GRM5: variants seen among roughly 807,000 people sequenced by gnomAD.
GRM5 encodes metabotropic glutamate receptor 5.
Under a neutral mutation model 83.1 loss-of-function variants are expected in GRM5, and 19 were observed. The observed-to-expected ratio is 0.23, with a 90% CI of 0.16 to 0.34. The LOEUF (loss-of-function observed/expected upper bound fraction) is 0.34, where lower values mean the gene tolerates loss of function less well. GRM5 is among the 10% of genes least tolerant of loss of function. GRM5 has a pLI of 1.00. For synonymous variants in GRM5, 675 were observed against 633.6 expected (o/e 1.07, Z -0.98); for missense variants, 1,160 against 1,588.3 (o/e 0.73, Z 4.58).
At chr11:88,761,375 T>A (rs1040939466) in intron 3 of GRM5, among the ~76,000 whole-genome samples, 5 of 151,816 alleles carry the variant, frequency 3.3e-5, no homozygotes, top group African/African-American at 1.2e-4. Flanking sequence ...AAACCAACAT[T>A]AAAATGTTCA....
intron 2 of GRM5, among the ~76,000 whole-genome samples, chr11:88,904,046 G>A (rs1945363002): frequency 6.6e-6 from 1 of 152,104 alleles, no homozygotes; most frequent in African/African-American, 2.4e-5. Context: ...AATGATTAAA[G>A]GGTCTCGAGA....
intron 4 of GRM5, among the ~76,000 whole-genome samples, chr11:88,612,507 G>T (rs1445177915): frequency 1.3e-5 from 2 of 152,080 alleles, no homozygotes; most frequent in South Asian, 2.1e-4. Context: ...TGGGTCAAAT[G>T]GTATTTCTAG....
chr11:88,878,433 G>T (rs1475537143), intron 2 of GRM5, among the ~76,000 whole-genome samples: 1 of 152,120 alleles, frequency 6.6e-6, no homozygotes, highest in Non-Finnish European at 1.5e-5. Context: ...CAGGGTAATT[G>T]TCCATGCACA....
At chr11:88,728,723 T>A (rs1158588328) in intron 3 of GRM5, among the ~76,000 whole-genome samples, 1 of 152,038 alleles carries the variant, frequency 6.6e-6, no homozygotes, top group Admixed American at 6.6e-5. Flanking sequence ...GTTCAACATA[T>A]GCAAATCAAT....
intron 3 of GRM5, among the ~76,000 whole-genome samples, chr11:88,757,459 C>T (rs892699250): frequency 5.9e-5 from 9 of 152,252 alleles, no homozygotes; most frequent in African/African-American, 1.7e-4. Flanking sequence ...CAATGCTGTG[C>T]TCCTGCAACA....
At chr11:89,007,086 G>A (rs1940551774) in intron 2 of GRM5, among the ~76,000 whole-genome samples, 3 of 152,094 alleles carry the variant, frequency 2.0e-5, no homozygotes, top group East Asian at 1.9e-4. Flanking sequence ...CGTGAGCCAC[G>A]GCGCCCGGCC....
Position 88,875,473 on chromosome 11 carries a change from T to C in GRM5, c.662-25318A>G, listed in dbSNP as rs1302581097. On this transcript the variant is annotated intron_variant, in intron 2 of 9. Transcript: ENST00000305447. ...TCAAAATCATCCATGAGGGTTGGAA[T>C]CAACTTTTTCCAAATTCCTGTTAAT... Among the ~76,000 whole-genome samples, 3 of 152,070 alleles carry C rather than the reference T, an allele frequency of 2.0e-5. No individual in the cohort carries two copies. In the East Asian group the frequency reaches 5.8e-4, roughly 30 times the overall value.
Position 88,977,401 on chromosome 11 carries a change from C to T in GRM5, c.661+69811G>A, listed in dbSNP as rs1266391287. 9.2e-5 allele frequency among the ~76,000 whole-genome samples: 14 copies of T among 151,848 alleles called. No individual in the cohort carries two copies. The East Asian group carries it at 1.4e-3, about 15-fold the overall frequency. ...CTAATTTTTGTATTTTTAGTAGAGA[C>T]GGGGTTTCACAGTGCTAGCCAGGAT... is the stretch of plus-strand genomic sequence containing the variant. On this transcript the variant is annotated intron_variant, in intron 2 of 9. Coordinates refer to ENST00000305447, the MANE Select transcript of GRM5 (RefSeq NM_001143831.3).
intron 3 of GRM5, among the ~76,000 whole-genome samples, chr11:88,737,543 G>T (rs374968630): frequency 2.6e-5 from 4 of 151,968 alleles, no homozygotes; most frequent in African/African-American, 9.7e-5. Context: ...CTTATGAATG[G>T]AACAATAATT....
At chr11:88,646,300 C>A (rs923518235) in intron 4 of GRM5, among the ~76,000 whole-genome samples, 3 of 151,948 alleles carry the variant, frequency 2.0e-5, no homozygotes, top group Non-Finnish European at 4.4e-5. Context: ...ACTCTTAATA[C>A]TTCTTATTAC....
intron 2 of GRM5, among the ~76,000 whole-genome samples, chr11:88,894,330 C>T (rs1433218884): frequency 6.6e-6 from 1 of 151,972 alleles, no homozygotes; most frequent in Non-Finnish European, 1.5e-5. Flanking sequence ...CTCAGAAACC[C>T]CTTTCTCTAT....
At chr11:88,582,158 T>C (rs1238992313) in intron 7 of GRM5, among the ~76,000 whole-genome samples, 4 of 152,196 alleles carry the variant, frequency 2.6e-5, no homozygotes, top group Non-Finnish European at 5.9e-5. Flanking sequence ...TTTATTTGCA[T>C]ATGTCTCTGC....
At chr11:88,733,384 A>G (rs1264772877) in intron 3 of GRM5, among the ~76,000 whole-genome samples, 1 of 152,046 alleles carries the variant, frequency 6.6e-6, no homozygotes, top group Non-Finnish European at 1.5e-5. Context: ...TAATTTTTCA[A>G]GTTTATATAT....
intron 2 of GRM5, among the ~76,000 whole-genome samples, chr11:88,969,866 A>G (rs1250202890): frequency 6.6e-6 from 1 of 152,116 alleles, no homozygotes; most frequent in East Asian, 1.9e-4. Flanking sequence ...ATTTTGAGTT[A>G]TAGTCATATC....
Position 88,508,792 on chromosome 11 carries a change from C to G in GRM5, c.3439G>C (p.Gly1147Arg). 4 of 1,458,850 alleles carry G rather than the reference C, an allele frequency of 2.7e-6. No individual in the cohort carries two copies. Among genetic ancestry groups the G allele is most frequent in the Non-Finnish European group, 3.6e-6 (4 of 1,112,004 alleles). 90.4% of individuals were successfully genotyped at this position (1,458,850 alleles called of 1,614,324 possible). A position where few individuals can be genotyped will look rare whatever the true frequency, so the allele number is the denominator to read the frequency against. ...GDAARESPAA[G>R]PEAAAAKPDL... ...GGCTTGGCGGCCGCAGCCTCGGGAC[C>G]GGCCGCGGGGCTCTCCCGGGCCGCG... The change falls in exon 10 of 10, where the codon GGT becomes CGT. Residue 1147 changes from glycine (G) to arginine (R), a missense_variant. Physicochemically the swap from Gly to Arg is moderately radical, Grantham distance 125. Transcript: ENST00000305447. This position sits in a 1 kb window ranked among gnomAD's most constrained non-coding sequence, Gnocchi z 4.2.
At chr11:88,889,883 C>A (rs1424355784) in intron 2 of GRM5, among the ~76,000 whole-genome samples, 2 of 152,092 alleles carry the variant, frequency 1.3e-5, no homozygotes, top group African/African-American at 4.8e-5. Flanking sequence ...CTTTCTTTTC[C>A]TCATGAAACC....
intron 1 of GRM5, among the ~76,000 whole-genome samples, chr11:89,057,530 T>C (rs1046646513): frequency 7.9e-5 from 12 of 152,196 alleles, no homozygotes; most frequent in African/African-American, 2.9e-4. Context: ...GGCAGTTCAA[T>C]AGAGCTCACT....
At chr11:88,709,446 T>A (rs1941234830) in intron 3 of GRM5, among the ~76,000 whole-genome samples, 1 of 152,010 alleles carries the variant, frequency 6.6e-6, no homozygotes, top group African/African-American at 2.4e-5. Context: ...GCAATATCCA[T>A]AGATTTCACT....
chr11:88,994,094 A>C (rs11021696), intron 2 of GRM5, among the ~76,000 whole-genome samples: 12,126 of 151,020 alleles, frequency 0.08, 1,292 homozygotes, highest in African/African-American at 0.24. Context: ...CATCCCCCCC[A>C]AAAAAAATAA....
Sources: allele counts gnomAD v4.1 joint callset (sites outside exome capture counted in the v4.1 genomes callset), GRCh38; gene constraint gnomAD v4.1.1; non-coding constraint Gnocchi (gnomAD v3.1); transcripts MANE v1.5; gene names NCBI Gene and HGNC (gene_info 2026-07-23, HGNC 2026-07-21).